OLA1: variants seen among roughly 807,000 people sequenced by gnomAD.
OLA1 encodes the protein Obg like ATPase 1, also known as obg-like ATPase 1.
Under a neutral mutation model 48.4 loss-of-function variants are expected in OLA1, and 14 were observed. That is an observed-to-expected ratio of 0.29 (90% CI 0.19 to 0.45). The LOEUF (loss-of-function observed/expected upper bound fraction) is 0.45, where lower values mean the gene tolerates loss of function less well. Among genes scored for constraint, OLA1 ranks in the 20% least tolerant of loss-of-function variants. The pLI, the probability that OLA1 is intolerant of heterozygous loss-of-function variation, is 1.00. For missense variants in OLA1, 325 were observed against 467.1 expected, an observed-to-expected ratio of 0.70 and a Z score of 2.80; for synonymous variants, 127 against 150.4, an observed-to-expected ratio of 0.84 and a Z score of 1.14.
At chr2:174,235,991 C>T (rs565143337) in intron 2 of OLA1, among the ~76,000 whole-genome samples, 1 of 152,098 alleles carries the variant, frequency 6.6e-6, no homozygotes, top group South Asian at 2.1e-4. Context: ...TTAAGTAGCA[C>T]CAGAGCACAA....
At chr2:174,157,369 G>A (rs1030219486) in intron 4 of OLA1, among the ~76,000 whole-genome samples, 3 of 152,120 alleles carry the variant, frequency 2.0e-5, no homozygotes, top group African/African-American at 4.8e-5. Context: ...CAGGGAAGGA[G>A]TCAGTATTCA....
At chr2:174,237,670 C>A (rs145614890) in intron 2 of OLA1, among the ~76,000 whole-genome samples, 166 of 152,294 alleles carry the variant, frequency 1.1e-3, no homozygotes, top group Middle Eastern at 3.4e-3. Context: ...AGGAGGATTG[C>A]TTGAGCCCAG....
chr2:174,221,443 C>T, intron 4 of OLA1, among the ~76,000 whole-genome samples: 1 of 152,142 alleles, frequency 6.6e-6, no homozygotes, highest in East Asian at 1.9e-4. Flanking sequence ...TTACACTCAA[C>T]CTACCTGTTC....
At chr2:174,246,299 C>CAA (rs113381257) in intron 2 of OLA1, among the ~76,000 whole-genome samples, 38 of 139,936 alleles carry the variant, frequency 2.7e-4, no homozygotes, top group East Asian at 4.2e-4. Context: ...GACTCCATCT[C>CAA]AAAAAAAAAA....
chr2:174,239,329 C>T (rs78667707), intron 2 of OLA1, among the ~76,000 whole-genome samples: 13 of 152,146 alleles, frequency 8.5e-5, no homozygotes, highest in East Asian at 1.9e-4. Context: ...CAGATACCAA[C>T]GAGCAATCAA....
At chr2:174,153,598 A>AT (rs1686798284) in intron 4 of OLA1, among the ~76,000 whole-genome samples, 1 of 152,214 alleles carries the variant, frequency 6.6e-6, no homozygotes, top group Admixed American at 6.5e-5. Context: ...ACTGTAGATA[A>AT]TTAGACATCC....
chr2:174,136,538 T>C (rs772564868), intron 5 of OLA1, among the ~76,000 whole-genome samples: 10 of 152,168 alleles, frequency 6.6e-5, no homozygotes, highest in Non-Finnish European at 1.2e-4. Flanking sequence ...TCTCTTGCTG[T>C]TTCCACCACA....
chr2:174,135,078 T>G (rs1043072448), intron 5 of OLA1, among the ~76,000 whole-genome samples: 1 of 145,912 alleles, frequency 6.9e-6, no homozygotes, highest in Admixed American at 7.3e-5. Flanking sequence ...GAGACTGGCA[T>G]GAACCCGGGA....
intron 2 of OLA1, among the ~76,000 whole-genome samples, chr2:174,236,831 T>C (rs1688862026): frequency 6.6e-6 from 1 of 151,780 alleles, no homozygotes; most frequent in African/African-American, 2.4e-5. Context: ...CATATAAAAG[T>C]GAAATAGGAC....
chr2:174,169,754 T>C (rs1687251680), intron 4 of OLA1, among the ~76,000 whole-genome samples: 1 of 152,202 alleles, frequency 6.6e-6, no homozygotes, highest in Non-Finnish European at 1.5e-5. Flanking sequence ...GCAGATATCT[T>C]AGTAAGTGCA....
At chr2:174,237,920 C>A (rs73037867) in intron 2 of OLA1, among the ~76,000 whole-genome samples, 2,915 of 152,274 alleles carry the variant, frequency 0.019, 73 homozygotes, top group African/African-American at 0.055. Flanking sequence ...TAATGCCTTG[C>A]ACTATGAAAT....
At chr2:174,192,374 C>G (rs1298635861) in intron 4 of OLA1, among the ~76,000 whole-genome samples, 1 of 152,112 alleles carries the variant, frequency 6.6e-6, no homozygotes, top group South Asian at 2.1e-4. Flanking sequence ...CATGTCAGCC[C>G]TCAAAAAGTT....
At chr2:174,211,642 C>G (rs532026149) in intron 4 of OLA1, among the ~76,000 whole-genome samples, 11 of 152,194 alleles carry the variant, frequency 7.2e-5, no homozygotes, top group African/African-American at 1.2e-4. Context: ...AAATAAAAAT[C>G]ACCCATTTCT....
At chr2:174,214,160 C>T (rs1044472163) in intron 4 of OLA1, among the ~76,000 whole-genome samples, 34 of 151,912 alleles carry the variant, frequency 2.2e-4, no homozygotes, top group African/African-American at 7.7e-4. Flanking sequence ...TGGTAAAACC[C>T]CGTCTCTACT....
Position 174,205,628 on chromosome 2 carries a change from T to TG in OLA1, c.373+17404dup, listed in dbSNP as rs549961653. Among the ~76,000 whole-genome samples, 70 of 152,310 alleles carry TG rather than the reference T, an allele frequency of 4.6e-4. 1 individual carries two copies. In the East Asian group the frequency reaches 0.012, roughly 27 times the overall value. On this transcript the variant is annotated intron_variant, in intron 4 of 10. Coordinates refer to ENST00000284719, the MANE Select transcript of OLA1 (RefSeq NM_013341.5). Reference sequence around the variant, plus strand: ...AATATCTAAATCTCTGCTGGTTCAATGGGGTCTTCCTTAGGTACTATGGCA... The same window carrying TG: ...AATATCTAAATCTCTGCTGGTTCAATGGGGGTCTTCCTTAGGTACTATGGCA...
intron 5 of OLA1, among the ~76,000 whole-genome samples, chr2:174,136,825 C>T (rs954880063): frequency 6.6e-6 from 1 of 150,484 alleles, no homozygotes; most frequent in South Asian, 2.1e-4. Flanking sequence ...GCACATGCTG[C>T]CACGCCTGGT....
chr2:174,170,673 G>GGACT (rs1215284500), intron 4 of OLA1, among the ~76,000 whole-genome samples: 1 of 152,178 alleles, frequency 6.6e-6, no homozygotes, highest in Admixed American at 6.5e-5. Flanking sequence ...TGAGACAGAA[G>GGACT]GACTGCTTGA....
intron 7 of OLA1, among the ~76,000 whole-genome samples, chr2:174,102,501 G>A (rs1329057770): frequency 1.3e-5 from 2 of 151,908 alleles, no homozygotes; most frequent in Admixed American, 6.6e-5. Flanking sequence ...TATTCTGAGA[G>A]AGAAAGAGAC....
chr2:174,173,158 A>T (rs187746834), intron 4 of OLA1, among the ~76,000 whole-genome samples: 2 of 152,328 alleles, frequency 1.3e-5, no homozygotes, highest in Non-Finnish European at 1.5e-5. Context: ...GGACTAACAC[A>T]ACTCTAAACC....
Sources: gnomAD v4.1 joint callset for allele counts (sites outside exome capture counted in the v4.1 genomes callset) on GRCh38, gnomAD v4.1.1 for gene constraint, MANE v1.5 for transcripts, NCBI Gene and HGNC (gene_info 2026-07-23, HGNC 2026-07-21) for gene names.